Variants in TRAPPC8 observed in about 807,000 individuals in gnomAD.
TRAPPC8 encodes the protein trafficking protein particle complex subunit 8.
TRAPPC8 carries 54 observed loss-of-function variants against 174.3 expected under a neutral mutation model. The ratio of observed to expected loss-of-function variants is 0.31; its 90% CI spans 0.25 to 0.39. The LOEUF (loss-of-function observed/expected upper bound fraction) is 0.39, where lower values mean the gene tolerates loss of function less well. Among genes scored for constraint, TRAPPC8 ranks in the 10% least tolerant of loss-of-function variants. TRAPPC8 has a pLI of 1.00. For synonymous variants in TRAPPC8, 630 were observed against 579.9 expected (o/e 1.09, Z -1.24); for missense variants, 1,531 against 1,699.1 (o/e 0.90, Z 1.74).
intron 25 of TRAPPC8, among the ~76,000 whole-genome samples, chr18:31,848,274 G>A: frequency 6.6e-6 from 1 of 151,972 alleles, no homozygotes; most frequent in Non-Finnish European, 1.5e-5. Context: ...CCAGCAGTGG[G>A]CTTTAGGTTC....
In TRAPPC8 at chr18:31,908,876, T is replaced by C. The variant is rs1436312217; in HGVS notation, c.1000A>G (p.Ile334Val). ...AGTGTTAAACATGCACCATGAATTATTCCAGTATTTCCTTTCTTTGTTTCA... is the reference window on the plus strand; with the variant it reads ...AGTGTTAAACATGCACCATGAATTACTCCAGTATTTCCTTTCTTTGTTTCA... Reference protein sequence around the residue: ...LHETKKGNTGIIHGACLTLTD... With the variant: ...LHETKKGNTGVIHGACLTLTD... The change falls in exon 7 of 29, where the codon ATA (isoleucine) becomes GTA (valine). Residue 334 changes from isoleucine (I) to valine (V), a missense_variant. By Grantham distance (29) the Ile-to-Val change is conservative (BLOSUM62 3). Transcript: ENST00000283351. 3 of 1,613,890 alleles carry C rather than the reference T, an allele frequency of 1.9e-6. No individual in the cohort carries two copies. Among genetic ancestry groups the C allele is most frequent in the Admixed American group, 3.3e-5 (2 of 60,016 alleles).
At chr18:31,908,249 C>T in intron 8 of TRAPPC8, 54 bp downstream of exon 8, 2 of 1,073,018 alleles carry the variant, frequency 1.9e-6, no homozygotes, top group East Asian at 2.7e-5. Context: ...TACAATCAAA[C>T]ACTAGTCAGA....
intron 10 of TRAPPC8, among the ~76,000 whole-genome samples, chr18:31,899,762 C>G (rs558559805): frequency 2.4e-4 from 36 of 151,668 alleles, no homozygotes; most frequent in African/African-American, 8.5e-4. Context: ...CTGGCCAAAA[C>G]AGTGAAACAC....
chr18:31,932,997 C>CAAAA lies in TRAPPC8; in HGVS notation c.158-1478_158-1475dup, dbSNP rs35234467. Among the ~76,000 whole-genome samples the CAAAA allele has an allele frequency of 1.1e-3, 45 of 42,652 alleles. 1 individual carries two copies. The highest frequency in any genetic ancestry group is 1.8e-3 in the South Asian group (2 of 1,088). 28.0% of individuals were successfully genotyped at this position (42,652 alleles called of 152,430 possible). On this transcript the variant is annotated intron_variant, in intron 1 of 28. Transcript: ENST00000283351. ...TGGGCGACAGAGTGAGACTCCGTCT[C>CAAAA]AAAAAAAAAAAAAAAAAAAAAAAGC...
At chr18:31,871,237 T>A in intron 14 of TRAPPC8, 117 bp from the exon 15 acceptor site, 1 of 500,582 alleles carries the variant, frequency 2.0e-6, no homozygotes, top group East Asian at 3.5e-5. Flanking sequence ...CACTCTTGCC[T>A]ATTTCTAATT....
intron 12 of TRAPPC8, among the ~76,000 whole-genome samples, chr18:31,878,477 G>C (rs993464931): frequency 1.3e-5 from 2 of 152,022 alleles, no homozygotes; most frequent in African/African-American, 4.8e-5. Flanking sequence ...GTCACCACCC[G>C]ACCAGCTCTA....
chr18:31,908,149 A>G (rs761441394), intron 8 of TRAPPC8, among the ~76,000 whole-genome samples, 154 bp downstream of exon 8: 1 of 152,194 alleles, frequency 6.6e-6, no homozygotes, highest in Non-Finnish European at 1.5e-5. Flanking sequence ...AAAAATTAAT[A>G]TGATTTACTT....
chr18:31,856,112 C>CT (rs138809726), intron 20 of TRAPPC8, among the ~76,000 whole-genome samples: 8,987 of 148,742 alleles, frequency 0.06, 285 homozygotes, highest in Middle Eastern at 0.11. Flanking sequence ...CTTTCTCTCT[C>CT]TTTTTTTTTT....
intron 21 of TRAPPC8, among the ~76,000 whole-genome samples, chr18:31,855,222 G>A (rs2033939464): frequency 6.6e-6 from 1 of 151,968 alleles, no homozygotes; most frequent in Non-Finnish European, 1.5e-5. Context: ...ATATTAGAGT[G>A]CATAAACAGG....
intron 12 of TRAPPC8, chr18:31,883,598 T>C (rs1364357286): frequency 2.0e-5 from 3 of 153,106 alleles, no homozygotes. Context: ...CATTTGGCCA[T>C]CACTGCCCAA....
chr18:31,897,952 ATG>A (rs2036251272), intron 10 of TRAPPC8, 61 bp from the exon 11 acceptor site: 1 of 1,401,342 alleles, frequency 7.1e-7, no homozygotes, highest in African/African-American at 1.4e-5. Context: ...ATCAAAGTAA[ATG>A]TGTTCAGCAA....
rs775582621 is a variant in TRAPPC8, at chr18:31,915,888, G to GAA, written c.617+382_617+383dup. ...GGCGACAGAGTGAGACTCCATCTCA[G>GAA]AAAAAAAAAAAAAAAAAAATTAGCT... is the stretch of plus-strand genomic sequence containing the variant. On this transcript the variant is annotated intron_variant, in intron 4 of 28. Transcript: ENST00000283351. Among the ~76,000 whole-genome samples, 208 of 82,838 alleles carry GAA rather than the reference G, an allele frequency of 2.5e-3. 5 individuals carry two copies. Among genetic ancestry groups the GAA allele is most frequent in the Admixed American group, 4.7e-3 (34 of 7,282 alleles). The allele number at this position is 82,838 out of a possible 152,430, so 54.3% of individuals were successfully genotyped here.
rs1326220556 is a variant in TRAPPC8, at chr18:31,908,886, T to C, written c.990A>G (p.Gly330=). 6.2e-7 allele frequency: 1 copy of C among 1,613,740 alleles called. No individual in the cohort carries two copies. The highest frequency in any genetic ancestry group is 1.3e-5 in the African/African-American group (1 of 74,924). The change falls in exon 7 of 29, where the codon GGA becomes GGG. Residue 330 remains glycine, a synonymous_variant. Coordinates refer to ENST00000283351, the MANE Select transcript of TRAPPC8 (RefSeq NM_014939.5). ...SASSLHETKK[G]NTGIIHGACL... The stretch of plus-strand genomic sequence containing the variant: ...ATGCACCATGAATTATTCCAGTATT[T>C]CCTTTCTTTGTTTCATGTAACGATG...
intron 1 of TRAPPC8, among the ~76,000 whole-genome samples, chr18:31,935,911 G>GT (rs111347349): frequency 0.03 from 4,541 of 151,092 alleles, 241 homozygotes; most frequent in African/African-American, 0.1. Flanking sequence ...AATTTTTTGT[G>GT]TTTTTTTAGT....
chr18:31,902,186 C>G (rs1375559691), intron 9 of TRAPPC8, among the ~76,000 whole-genome samples: 2 of 152,132 alleles, frequency 1.3e-5, no homozygotes, highest in African/African-American at 2.4e-5. Flanking sequence ...CCCTCAACAG[C>G]CAGAAGTGGT....
intron 5 of TRAPPC8, among the ~76,000 whole-genome samples, chr18:31,911,207 A>G (rs1159585592): frequency 6.6e-6 from 1 of 152,220 alleles, no homozygotes; most frequent in African/African-American, 2.4e-5. Flanking sequence ...CAATATAAAT[A>G]TATTTTCCAT....
At chr18:31,879,213 C>A (rs544120200) in intron 12 of TRAPPC8, among the ~76,000 whole-genome samples, 1 of 152,078 alleles carries the variant, frequency 6.6e-6, no homozygotes, top group Non-Finnish European at 1.5e-5. Context: ...CTGAAGTTGA[C>A]CATATACTGG....
rs77242575 is a variant in TRAPPC8, at chr18:31,927,169, G to A, written c.352+4160C>T. ...GTCACCTAGGTTGGAGTGCAGTTGCGCAATCACAGCTTTTTGCACCCTTGA... is the reference window on the plus strand; with the variant it reads ...GTCACCTAGGTTGGAGTGCAGTTGCACAATCACAGCTTTTTGCACCCTTGA... On this transcript the variant is annotated intron_variant, in intron 2 of 28. Transcript: ENST00000283351. Among the ~76,000 whole-genome samples the A allele has an allele frequency of 9.9e-3, 1,507 of 152,060 alleles. 25 individuals carry two copies. Among genetic ancestry groups the A allele is most frequent in the African/African-American group, 0.035 (1,430 of 41,444 alleles).
chr18:31,938,124 C>T (rs2038182545), intron 1 of TRAPPC8, among the ~76,000 whole-genome samples: 1 of 152,066 alleles, frequency 6.6e-6, no homozygotes, highest in Admixed American at 6.6e-5. Context: ...TGATATATTG[C>T]AACATTGTTT....
Sources: allele counts gnomAD v4.1 joint callset (sites outside exome capture counted in the v4.1 genomes callset), GRCh38; gene constraint gnomAD v4.1.1; transcripts MANE v1.5; gene names NCBI Gene and HGNC (gene_info 2026-07-23, HGNC 2026-07-21).